Variants in TPD52 observed in about 807,000 individuals in gnomAD.
The protein encoded by TPD52 is tumor protein D52, also known as prostate and colon associated protein.
In TPD52, 17 loss-of-function variants were observed where a neutral mutation model predicts 31.3. That is an observed-to-expected ratio of 0.54 (90% confidence interval 0.37 to 0.82). TPD52 has a LOEUF of 0.82. Ranked by LOEUF, TPD52 falls within the 40% of genes least tolerant of loss-of-function variation. The probability of loss-of-function intolerance (pLI) is 0.00; values close to 1 mark genes in which losing one functional copy is unlikely to be tolerated. For synonymous variants in TPD52, 83 were observed against 89.6 expected (o/e 0.93, Z 0.42); for missense variants, 212 against 240.1 (o/e 0.88, Z 0.77).
intron 1 of TPD52, among the ~76,000 whole-genome samples, chr8:80,130,806 A>G (rs1483279549): frequency 2.0e-5 from 3 of 152,148 alleles, no homozygotes; most frequent in Non-Finnish European, 4.4e-5. Context: ...ATGCACTACA[A>G]TATCAACTAA....
rs1809971472 is a variant in TPD52, at chr8:80,037,282, G to A, written c.*834C>T. 6.6e-6 allele frequency: 1 copy of A among 152,406 alleles called. No homozygotes were observed. The highest frequency in any genetic ancestry group is 1.5e-5 in the Non-Finnish European group (1 of 68,000). The allele number at this position is 152,406 out of a possible 1,614,324, so 9.4% of individuals were successfully genotyped here. A position where few individuals can be genotyped will look rare whatever the true frequency, so the allele number is the denominator to read the frequency against. ...TCTAGATCTAAACTTTCAGGCTTTT[G>A]AACTGAACATTGATGACAGTGTTCA... On this transcript the variant is annotated 3_prime_UTR_variant, in exon 8 of 8. Coordinates refer to ENST00000518937, the MANE Select transcript of TPD52 (RefSeq NM_001025253.3).
intron 1 of TPD52, among the ~76,000 whole-genome samples, chr8:80,135,240 T>A (rs1006050713): frequency 6.6e-6 from 1 of 152,224 alleles, no homozygotes; most frequent in Non-Finnish European, 1.5e-5. Context: ...CTAAAATCTA[T>A]CCAAAGCCTC....
intron 1 of TPD52, among the ~76,000 whole-genome samples, chr8:80,083,555 G>A (rs951943529): frequency 6.6e-6 from 1 of 150,698 alleles, no homozygotes; most frequent in African/African-American, 2.5e-5. Context: ...TTTATAAGGA[G>A]CTTCTCCCTT....
At chr8:80,167,804 A>G (rs1293515169) in intron 1 of TPD52, among the ~76,000 whole-genome samples, 1 of 152,150 alleles carries the variant, frequency 6.6e-6, no homozygotes, top group Non-Finnish European at 1.5e-5. Context: ...CTTCCCCTTA[A>G]AATTATAAAG....
At chr8:80,155,428 C>G (rs1342668928) in intron 1 of TPD52, among the ~76,000 whole-genome samples, 1 of 152,090 alleles carries the variant, frequency 6.6e-6, no homozygotes, top group Non-Finnish European at 1.5e-5. Flanking sequence ...TATGAATCCT[C>G]AAACCAGGTA....
chr8:80,080,864 A>AAAAT (rs1815195157), intron 1 of TPD52: 2 of 580,866 alleles, frequency 3.4e-6, no homozygotes, highest in Non-Finnish European at 4.3e-6. Context: ...CAATTTATTT[A>AAAAT]AAATAAATAA....
intron 1 of TPD52, among the ~76,000 whole-genome samples, chr8:80,083,000 A>T (rs949921520): frequency 6.6e-6 from 1 of 152,196 alleles, no homozygotes; most frequent in African/African-American, 2.4e-5. Flanking sequence ...CCCAGTCAAG[A>T]CATTCTAGCC....
intron 1 of TPD52, among the ~76,000 whole-genome samples, chr8:80,136,180 T>TAAAAAAAAAAAAAAAA (rs1217409264): frequency 3.1e-5 from 4 of 127,590 alleles, no homozygotes; most frequent in African/African-American, 8.6e-5. Context: ...TCTTTGAGGT[T>TAAAAAAAAAAAAAAAA]AAAAAAAAAA....
In TPD52 at chr8:80,105,404, CCTGTT is replaced by C. The variant is rs1233319831; in HGVS notation, c.20-40816_20-40812del. Among the ~76,000 whole-genome samples, 11 of 152,220 alleles carry C rather than the reference CCTGTT, an allele frequency of 7.2e-5. No homozygotes were observed. In the East Asian group the frequency reaches 7.7e-4, roughly 11 times the overall value. On this transcript the variant is annotated intron_variant, in intron 1 of 7. Transcript: ENST00000518937. ...GGAAAAGCACTGTGAAAATCCCTGT[CCTGTT>C]CTGTTCTGTTCCTTTCTAATTACCG... is the stretch of plus-strand genomic sequence containing the variant.
At position 80,101,373 on chromosome 8, in the gene TPD52, G is replaced by A. The variant is rs186779409; in HGVS notation, c.20-36780C>T. On this transcript the variant is annotated intron_variant, in intron 1 of 7. Coordinates refer to ENST00000518937, the MANE Select transcript of TPD52 (RefSeq NM_001025253.3). ...TGAGGCAGGAGAATCACTGGAACCC[G>A]GGAGGTGGAGGTTGCAGTGAGCTGA... is the stretch of plus-strand genomic sequence containing the variant. 6.6e-3 allele frequency among the ~76,000 whole-genome samples: 1,007 copies of A among 151,454 alleles called. 4 individuals are homozygous for A. Among genetic ancestry groups the A allele is most frequent in the Non-Finnish European group, 0.012 (793 of 67,862 alleles).
intron 2 of TPD52, among the ~76,000 whole-genome samples, chr8:80,059,268 A>G (rs1812237506): frequency 6.6e-6 from 1 of 152,214 alleles, no homozygotes; most frequent in African/African-American, 2.4e-5. Context: ...AAGGAAAACA[A>G]AAACAGTGTA....
intron 1 of TPD52, among the ~76,000 whole-genome samples, chr8:80,095,942 A>G (rs530954611): frequency 4.7e-4 from 60 of 127,080 alleles, no homozygotes; most frequent in African/African-American, 1.7e-3. Context: ...GTGAGACTCC[A>G]TCTCTACATA....
intron 2 of TPD52, among the ~76,000 whole-genome samples, chr8:80,059,273 A>C (rs1462106445): frequency 6.6e-6 from 1 of 152,216 alleles, no homozygotes; most frequent in Non-Finnish European, 1.5e-5. Context: ...AAACAAAAAC[A>C]GTGTATTAAA....
chr8:80,170,433 C>A (rs1447705588), intron 1 of TPD52, among the ~76,000 whole-genome samples: 1 of 148,958 alleles, frequency 6.7e-6, no homozygotes, highest in Non-Finnish European at 1.5e-5. Context: ...AAAAAAACAC[C>A]AGAGTCTGAA....
chr8:80,134,507 T>C (rs1809251890), intron 1 of TPD52, among the ~76,000 whole-genome samples: 1 of 152,270 alleles, frequency 6.6e-6, no homozygotes, highest in African/African-American at 2.4e-5. Context: ...GGCCACTGTC[T>C]TCTTGCCTTC....
chr8:80,168,449 C>T (rs1225697054), intron 1 of TPD52, among the ~76,000 whole-genome samples: 1 of 152,164 alleles, frequency 6.6e-6, no homozygotes, highest in African/African-American at 2.4e-5. Context: ...ACTCCATGTA[C>T]ATTAAAAACT....
chr8:80,145,660 T>C (rs1810143361), intron 1 of TPD52, among the ~76,000 whole-genome samples: 1 of 152,202 alleles, frequency 6.6e-6, no homozygotes, highest in Non-Finnish European at 1.5e-5. Context: ...TATGACAAAC[T>C]AATAGGGAAC....
intron 1 of TPD52, among the ~76,000 whole-genome samples, chr8:80,120,307 G>A (rs1394287080): frequency 2.0e-5 from 3 of 152,044 alleles, no homozygotes; most frequent in South Asian, 2.1e-4. Flanking sequence ...TAGCCAACAC[G>A]GCAAAACCCT....
At chr8:80,098,889 G>C (rs1806522266) in intron 1 of TPD52, among the ~76,000 whole-genome samples, 1 of 152,118 alleles carries the variant, frequency 6.6e-6, no homozygotes, top group Non-Finnish European at 1.5e-5. Flanking sequence ...CTACCTCCCT[G>C]ATCAGTCAGC....
Sources: allele counts gnomAD v4.1 joint callset (sites outside exome capture counted in the v4.1 genomes callset), GRCh38; gene constraint gnomAD v4.1.1; transcripts MANE v1.5; gene names NCBI Gene and HGNC (gene_info 2026-07-23, HGNC 2026-07-21).